Variants in KALRN observed in about 807,000 individuals in gnomAD.
KALRN encodes the protein kalirin.
Under a neutral mutation model 353.7 loss-of-function variants are expected in KALRN, and 70 were observed. That is an observed-to-expected ratio of 0.20 (90% CI 0.16 to 0.24). KALRN has a LOEUF of 0.24. KALRN is among the 10% of genes least tolerant of loss of function. The probability of loss-of-function intolerance (pLI) is 1.00; values close to 1 mark genes in which losing one functional copy is unlikely to be tolerated. For missense variants in KALRN, 2,791 were observed against 3,756.7 expected (o/e 0.74, Z 6.72); for synonymous variants, 1,391 against 1,434.8 (o/e 0.97, Z 0.69).
chr3:124,268,221 G>T (rs1275845987), intron 4 of KALRN, among the ~76,000 whole-genome samples: 7 of 152,094 alleles, frequency 4.6e-5, no homozygotes, highest in Admixed American at 4.6e-4. Context: ...CCCATCCCTA[G>T]TTCTGTTCAC....
At chr3:124,392,003 C>T (rs2089459710) in intron 11 of KALRN, among the ~76,000 whole-genome samples, 1 of 152,172 alleles carries the variant, frequency 6.6e-6, no homozygotes, top group Non-Finnish European at 1.5e-5. Context: ...TTCCCTTTGC[C>T]CTCTAGTGGG....
intron 45 of KALRN, among the ~76,000 whole-genome samples, chr3:124,664,129 C>T (rs941003859): frequency 2.0e-5 from 3 of 148,544 alleles, no homozygotes; most frequent in Non-Finnish European, 4.5e-5. Context: ...TACATTTTCC[C>T]TTGGCGTTAC....
intron 6 of KALRN, among the ~76,000 whole-genome samples, chr3:124,314,378 A>T (rs113705401): frequency 0.011 from 1,700 of 151,112 alleles, 21 homozygotes; most frequent in Non-Finnish European, 0.019. Context: ...GAGGGATAGC[A>T]TTAGGAGATA....
intron 10 of KALRN, among the ~76,000 whole-genome samples, chr3:124,370,125 A>T (rs1304716302): frequency 6.6e-6 from 1 of 152,226 alleles, no homozygotes; most frequent in Non-Finnish European, 1.5e-5. Context: ...TTTGTAAGTG[A>T]TGCTACCAGC....
chr3:124,391,400 A>G (rs1231394107), intron 11 of KALRN, among the ~76,000 whole-genome samples: 2 of 152,186 alleles, frequency 1.3e-5, no homozygotes, highest in South Asian at 2.1e-4. Flanking sequence ...TGCTGCTGCC[A>G]AGCTACCTCA....
intron 1 of KALRN, among the ~76,000 whole-genome samples, chr3:124,217,742 T>C (rs2077482185): frequency 6.6e-6 from 1 of 152,128 alleles, no homozygotes. Flanking sequence ...GGCATACATG[T>C]CCTGGCAGTG....
At chr3:124,282,940 G>GGGGT (rs2075493832) in intron 5 of KALRN, among the ~76,000 whole-genome samples, 1 of 152,194 alleles carries the variant, frequency 6.6e-6, no homozygotes, top group Non-Finnish European at 1.5e-5. Flanking sequence ...GGGGCAAAAT[G>GGGGT]GGGTGCCTAG....
At chr3:124,196,612 A>G (rs1168260525) in intron 1 of KALRN, among the ~76,000 whole-genome samples, 1 of 152,088 alleles carries the variant, frequency 6.6e-6, no homozygotes, top group East Asian at 1.9e-4. Context: ...CTAAATCTTC[A>G]TTTTGTTTTC....
intron 33 of KALRN, among the ~76,000 whole-genome samples, chr3:124,514,580 CATT>C (rs1426635090): frequency 1.3e-5 from 2 of 152,166 alleles, no homozygotes; most frequent in Non-Finnish European, 2.9e-5. Context: ...AGGTAAGTAT[CATT>C]ATCCTCATTT....
chr3:124,610,989 ACTCCAGC>A (rs559195187), intron 34 of KALRN, among the ~76,000 whole-genome samples: 2 of 152,264 alleles, frequency 1.3e-5, no homozygotes, highest in African/African-American at 4.8e-5. Flanking sequence ...ATGCCACTGC[ACTCCAGC>A]CTGGGCAACA....
intron 9 of KALRN, among the ~76,000 whole-genome samples, chr3:124,343,735 T>C (rs2082001020): frequency 6.6e-6 from 1 of 152,240 alleles, no homozygotes; most frequent in African/African-American, 2.4e-5. Flanking sequence ...CCAGAGAAGA[T>C]GCGTTTGGCT....
At chr3:124,529,856 T>C (rs966084689) in intron 33 of KALRN, among the ~76,000 whole-genome samples, 8 of 150,182 alleles carry the variant, frequency 5.3e-5, no homozygotes, top group African/African-American at 2.0e-4. Context: ...ACAGGGCACA[T>C]GTCAAATAAA....
At chr3:124,436,030 A>G (rs1422374099) in intron 17 of KALRN, among the ~76,000 whole-genome samples, 2 of 152,220 alleles carry the variant, frequency 1.3e-5, no homozygotes, top group African/African-American at 4.8e-5. Flanking sequence ...ACACAATGAG[A>G]CAGAATAGTG....
intron 1 of KALRN, among the ~76,000 whole-genome samples, chr3:124,084,780 T>G (rs1270731928): frequency 6.6e-6 from 1 of 152,208 alleles, no homozygotes; most frequent in Non-Finnish European, 1.5e-5. Context: ...GAAAGGCATG[T>G]TTCTTACATG....
chr3:124,492,122 C>A (rs2063228520), intron 31 of KALRN, among the ~76,000 whole-genome samples: 1 of 152,186 alleles, frequency 6.6e-6, no homozygotes, highest in South Asian at 2.1e-4. Context: ...CCAACCCCGA[C>A]AAAAGCTTCA....
chr3:124,234,042 G>A (rs1043672416), intron 2 of KALRN, among the ~76,000 whole-genome samples: 2 of 152,210 alleles, frequency 1.3e-5, no homozygotes, highest in Admixed American at 6.5e-5. Flanking sequence ...GAAAGAAAAA[G>A]CAACGATCCA....
chr3:124,274,823 A>T (rs1370763979), intron 5 of KALRN, among the ~76,000 whole-genome samples: 1 of 152,022 alleles, frequency 6.6e-6, no homozygotes, highest in East Asian at 1.9e-4. Context: ...TGCCTTTACC[A>T]CTACAGGAAA....
intron 33 of KALRN, among the ~76,000 whole-genome samples, chr3:124,559,865 C>T (rs1561288513): frequency 6.6e-6 from 1 of 152,184 alleles, no homozygotes; most frequent in Non-Finnish European, 1.5e-5. Flanking sequence ...GTGAAGTGAA[C>T]CAGGATATTC....
At chr3:124,274,135 C>T (rs923091339) in intron 5 of KALRN, among the ~76,000 whole-genome samples, 15 of 152,320 alleles carry the variant, frequency 9.8e-5, no homozygotes, top group East Asian at 1.9e-4. Flanking sequence ...GATCCTCCCC[C>T]GACACACCCC....
Sources: gnomAD v4.1 joint callset for allele counts (sites outside exome capture counted in the v4.1 genomes callset) on GRCh38, gnomAD v4.1.1 for gene constraint, MANE v1.5 for transcripts, NCBI Gene and HGNC (gene_info 2026-07-23, HGNC 2026-07-21) for gene names.